The following TIAM1 variants were observed in gnomAD, a reference collection of about 807,000 sequenced individuals.
The protein encoded by TIAM1 is TIAM Rac1 associated GEF 1.
A neutral mutation model predicts 163.5 loss-of-function variants in TIAM1; 65 were observed. That is an observed-to-expected ratio of 0.40 (90% confidence interval 0.33 to 0.49). The LOEUF (loss-of-function observed/expected upper bound fraction) is 0.49, where lower values mean the gene tolerates loss of function less well. TIAM1 is among the 20% of genes least tolerant of loss of function. TIAM1 has a pLI of 0.77. For missense variants in TIAM1, 1,789 were observed against 2,044.7 expected (o/e 0.87, Z 2.41); for synonymous variants, 833 against 810.1 (o/e 1.03, Z -0.48).
intron 2 of TIAM1, among the ~76,000 whole-genome samples, chr21:31,326,872 T>C (rs1681932286): frequency 6.6e-6 from 1 of 152,210 alleles, no homozygotes; most frequent in African/African-American, 2.4e-5. Flanking sequence ...TATTATTATT[T>C]TGTTCAAAGT....
chr21:31,190,254 T>TA (rs1215818833), intron 13 of TIAM1, among the ~76,000 whole-genome samples: 1 of 151,922 alleles, frequency 6.6e-6, no homozygotes, highest in Non-Finnish European at 1.5e-5. Flanking sequence ...AAATTTTTTT[T>TA]AAAAAATTAG....
At position 31,517,115 on chromosome 21, in the gene TIAM1, T is replaced by C. The variant is rs187747102; in HGVS notation, c.-422+41812A>G. 1.1e-4 allele frequency among the ~76,000 whole-genome samples: 16 copies of C among 151,812 alleles called. No individual in the cohort carries two copies. In the East Asian group the frequency reaches 2.9e-3, roughly 27 times the overall value. On this transcript the variant is annotated intron_variant, in intron 1 of 28. Coordinates refer to the TIAM1 transcript ENST00000286827. ...TGAATTCACATGTTCTAGGCTTCTC[T>C]CTTTGCCAAGCACTATGTCAGGGTC...
At chr21:31,510,302 C>T (rs1461805517) in intron 1 of TIAM1, among the ~76,000 whole-genome samples, 2 of 152,190 alleles carry the variant, frequency 1.3e-5, no homozygotes, top group Non-Finnish European at 2.9e-5. Context: ...CTCCTCTGTG[C>T]GTGCACATCC....
At chr21:31,544,498 G>A (rs901567404) in intron 1 of TIAM1, among the ~76,000 whole-genome samples, 1 of 144,902 alleles carries the variant, frequency 6.9e-6, no homozygotes, top group Non-Finnish European at 1.5e-5. Context: ...CACGATGGTG[G>A]GCGCCTGTAA....
chr21:31,407,668 C>T (rs2077270791), intron 2 of TIAM1, among the ~76,000 whole-genome samples: 1 of 130,428 alleles, frequency 7.7e-6, no homozygotes, highest in Non-Finnish European at 1.6e-5. Context: ...CAGAGTCTCG[C>T]TCTGTCACCC....
rs909839282 is a variant in TIAM1, at chr21:31,473,445, A to C, written c.-421-9410T>G. Among the ~76,000 whole-genome samples, 135 of 84,282 alleles carry C rather than the reference A, an allele frequency of 1.6e-3. 1 individual carries two copies. The highest frequency in any genetic ancestry group is 5.7e-3 in the African/African-American group (121 of 21,058). The allele number at this position is 84,282 out of a possible 152,430, so 55.3% of individuals were successfully genotyped here. A position where few individuals can be genotyped will look rare whatever the true frequency, so the allele number is the denominator to read the frequency against. On this transcript the variant is annotated intron_variant, in intron 1 of 28. Coordinates refer to the TIAM1 transcript ENST00000286827. ...ACTCCATCTCAAAAAAAAAAAAAAA[A>C]AAAAAAAAAAAAAAAAAAAAACATG...
At chr21:31,273,837 T>A (rs2073173121) in intron 3 of TIAM1, among the ~76,000 whole-genome samples, 1 of 152,184 alleles carries the variant, frequency 6.6e-6, no homozygotes, top group Admixed American at 6.5e-5. Flanking sequence ...GCTTCCTGAG[T>A]AAATGTAAAC....
intron 2 of TIAM1, among the ~76,000 whole-genome samples, chr21:31,337,518 GTTATTATTA>G (rs55760697): frequency 2.6e-4 from 38 of 147,272 alleles, no homozygotes; most frequent in South Asian, 8.9e-4. Context: ...TATTATTGTT[GTTATTATTA>G]TTATTATTAT....
At chr21:31,283,257 C>T (rs1294580895) in intron 2 of TIAM1, among the ~76,000 whole-genome samples, 1 of 152,168 alleles carries the variant, frequency 6.6e-6, no homozygotes, top group Non-Finnish European at 1.5e-5. Context: ...CTGACAGCTG[C>T]CAACATACTG....
At chr21:31,466,115 AT>A (rs1569355862) in intron 1 of TIAM1, among the ~76,000 whole-genome samples, 1 of 152,182 alleles carries the variant, frequency 6.6e-6, no homozygotes, top group Non-Finnish European at 1.5e-5. Context: ...TTATTCTGAC[AT>A]TTTTTACAAA....
intron 1 of TIAM1, among the ~76,000 whole-genome samples, chr21:31,555,811 A>G (rs1370816835): frequency 6.6e-6 from 1 of 152,174 alleles, no homozygotes; most frequent in Non-Finnish European, 1.5e-5. Context: ...AGAAGTGTTA[A>G]TACATGCACC....
chr21:31,355,843 C>T (rs914668545), intron 2 of TIAM1, among the ~76,000 whole-genome samples: 4 of 151,928 alleles, frequency 2.6e-5, no homozygotes, highest in Non-Finnish European at 4.4e-5. Context: ...GAGCACTGCG[C>T]GCCCGGCTAT....
intron 2 of TIAM1, among the ~76,000 whole-genome samples, chr21:31,454,336 G>A (rs2045004321): frequency 6.6e-6 from 1 of 152,210 alleles, no homozygotes; most frequent in South Asian, 2.1e-4. Context: ...ACTGTTGTAA[G>A]ATGTCCATGA....
At chr21:31,300,240 G>A (rs1032615961) in intron 2 of TIAM1, among the ~76,000 whole-genome samples, 5 of 152,108 alleles carry the variant, frequency 3.3e-5, no homozygotes, top group African/African-American at 9.7e-5. Context: ...GTTTCCTAAG[G>A]TCTCCCCAGA....
chr21:31,358,874 A>G (rs1255848014), intron 2 of TIAM1, among the ~76,000 whole-genome samples: 1 of 152,110 alleles, frequency 6.6e-6, no homozygotes, highest in African/African-American at 2.4e-5. Context: ...GTAAAAGCCA[A>G]ACTCCCTAGA....
intron 2 of TIAM1, among the ~76,000 whole-genome samples, chr21:31,292,905 A>G (rs564632778): frequency 6.6e-6 from 1 of 150,634 alleles, no homozygotes; most frequent in East Asian, 2.0e-4. Context: ...CTGACCTGAA[A>G]TGATCTGCCC....
chr21:31,465,145 C>A (rs13047799), intron 1 of TIAM1, among the ~76,000 whole-genome samples: 2 of 151,376 alleles, frequency 1.3e-5, no homozygotes, highest in Non-Finnish European at 2.9e-5. Context: ...CTGCAGTGAA[C>A]GGTGATTGCG....
At chr21:31,475,584 C>T (rs2147383910) in intron 1 of TIAM1, among the ~76,000 whole-genome samples, 1 of 152,338 alleles carries the variant, frequency 6.6e-6, no homozygotes, top group South Asian at 2.1e-4. Flanking sequence ...GCTTGTCACC[C>T]ACCCAGATCA....
intron 2 of TIAM1, among the ~76,000 whole-genome samples, chr21:31,446,568 G>A (rs887334175): frequency 1.3e-5 from 2 of 152,194 alleles, no homozygotes; most frequent in Admixed American, 1.3e-4. Context: ...AGGCCAGGGA[G>A]AGTGATGAAG....
Sources: gnomAD v4.1 joint callset for allele counts (sites outside exome capture counted in the v4.1 genomes callset) on GRCh38, gnomAD v4.1.1 for gene constraint, MANE v1.5 for transcripts, NCBI Gene and HGNC (gene_info 2026-07-23, HGNC 2026-07-21) for gene names.